The following ACVR2A variants were observed in gnomAD, a reference collection of about 807,000 sequenced individuals.
The protein encoded by ACVR2A is activin receptor type-2A.
ACVR2A carries 7 observed loss-of-function variants against 61.4 expected under a neutral mutation model. The ratio of observed to expected loss-of-function variants is 0.11; its 90% confidence interval spans 0.06 to 0.21. The LOEUF is 0.21. Among genes scored for constraint, ACVR2A ranks in the 10% least tolerant of loss-of-function variants. ACVR2A has a pLI of 1.00. For missense variants in ACVR2A, 322 were observed against 621.7 expected, an observed-to-expected ratio of 0.52 and a Z score of 5.13; for synonymous variants, 193 against 208.3, an observed-to-expected ratio of 0.93 and a Z score of 0.63.
chr2:147,895,344 A>G (rs567008345), intron 1 of ACVR2A, among the ~76,000 whole-genome samples: 9 of 152,128 alleles, frequency 5.9e-5, no homozygotes, highest in Non-Finnish European at 1.3e-4. Flanking sequence ...GCAAATATCT[A>G]CTTACAACAC....
chr2:147,852,061 T>C (rs1173595664), intron 1 of ACVR2A, among the ~76,000 whole-genome samples: 1 of 152,072 alleles, frequency 6.6e-6, no homozygotes, highest in African/African-American at 2.4e-5. Context: ...TTTTGATATC[T>C]TTAAGTTATG....
rs566366891 is a variant in ACVR2A, at chr2:147,845,116, C to T, written c.-37C>T. On this transcript the variant is annotated 5_prime_UTR_variant, in exon 1 of 11. Transcript: ENST00000241416. ...AAGACCCAGGGAACTGGATATCTAG[C>T]GAGAACTTCCTCCGGATTCCCCGGC... The T allele has an allele frequency of 1.6e-5, 26 of 1,578,704 alleles. 1 individual carries two copies. The South Asian group carries it at 2.8e-4, about 17-fold the overall frequency.
chr2:147,859,888 T>C (rs952336670), intron 1 of ACVR2A, among the ~76,000 whole-genome samples: 3 of 152,192 alleles, frequency 2.0e-5, no homozygotes, highest in African/African-American at 7.2e-5. Flanking sequence ...AAGCTCACCT[T>C]ATTTTAGAAT....
chr2:147,859,482 C>T (rs1685670881), intron 1 of ACVR2A, among the ~76,000 whole-genome samples: 1 of 148,678 alleles, frequency 6.7e-6, no homozygotes, highest in Admixed American at 6.7e-5. Flanking sequence ...TAGAGGGTCA[C>T]CACAGACAAA....
intron 7 of ACVR2A, 51 bp from the exon 8 acceptor site, chr2:147,920,179 T>A (rs1687345673): frequency 7.8e-7 from 1 of 1,285,554 alleles, no homozygotes; most frequent in Non-Finnish European, 1.1e-6. Context: ...ATAAAAAATT[T>A]AAAAAGGTAA....
intron 4 of ACVR2A, among the ~76,000 whole-genome samples, chr2:147,910,675 A>G (rs796826174): frequency 3.3e-5 from 5 of 152,198 alleles, no homozygotes; most frequent in African/African-American, 1.2e-4. Flanking sequence ...ACCACTGGTG[A>G]TCATATTTCT....
At chr2:147,915,099 G>A (rs1159633707) in intron 4 of ACVR2A, 92 bp from the exon 5 acceptor site, 2 of 1,214,852 alleles carry the variant, frequency 1.6e-6, no homozygotes, top group Non-Finnish European at 2.4e-6. Flanking sequence ...TCTGTCAGTT[G>A]ACTTTTCAGT....
chr2:147,914,485 A>G (rs1373531952), intron 4 of ACVR2A, among the ~76,000 whole-genome samples: 1 of 152,000 alleles, frequency 6.6e-6, no homozygotes, highest in East Asian at 1.9e-4. Context: ...GTTATCTACT[A>G]TGATGACCAC....
chr2:147,911,517 C>G lies in ACVR2A; in HGVS notation c.529-3674C>G, dbSNP rs1189560789. Among the ~76,000 whole-genome samples, 4 of 151,976 alleles carry G rather than the reference C, an allele frequency of 2.6e-5. No individual in the cohort carries two copies. In the East Asian group the frequency reaches 7.7e-4, roughly 29 times the overall value. ...GGATATGAATCGTAATTTCTTTTGC[C>G]TGTGTTTTTTCTTCACAAGCACGCC... On this transcript the variant is annotated intron_variant, in intron 4 of 10. Coordinates refer to ENST00000241416, the MANE Select transcript of ACVR2A (RefSeq NM_001616.5).
chr2:147,924,455 A>C (rs1301627476), intron 9 of ACVR2A, among the ~76,000 whole-genome samples: 1 of 152,010 alleles, frequency 6.6e-6, no homozygotes, highest in Non-Finnish European at 1.5e-5. Flanking sequence ...TGCAATACTT[A>C]AGAAATACAA....
chr2:147,886,896 T>C (rs1453604986), intron 1 of ACVR2A, among the ~76,000 whole-genome samples: 1 of 152,010 alleles, frequency 6.6e-6, no homozygotes, highest in African/African-American at 2.4e-5. Context: ...TGACACATTC[T>C]AAGCAACTAT....
At chr2:147,892,025 G>A (rs1437108938) in intron 1 of ACVR2A, among the ~76,000 whole-genome samples, 2 of 151,978 alleles carry the variant, frequency 1.3e-5, no homozygotes, top group Non-Finnish European at 2.9e-5. Flanking sequence ...AGGCTGGCGT[G>A]CAGTGGTACG....
At chr2:147,895,337 A>G (rs189056557) in intron 1 of ACVR2A, among the ~76,000 whole-genome samples, 18 of 152,272 alleles carry the variant, frequency 1.2e-4, no homozygotes, top group Admixed American at 5.2e-4. Flanking sequence ...AAGTGTTGCA[A>G]ATATCTACTT....
chr2:147,867,837 T>C (rs1453022633), intron 1 of ACVR2A, among the ~76,000 whole-genome samples: 1 of 152,106 alleles, frequency 6.6e-6, no homozygotes, highest in Admixed American at 6.5e-5. Context: ...ACTCACTGCC[T>C]CCCACTTTAA....
chr2:147,860,414 C>T (rs1315926229), intron 1 of ACVR2A, among the ~76,000 whole-genome samples: 2 of 151,972 alleles, frequency 1.3e-5, no homozygotes, highest in African/African-American at 4.8e-5. Flanking sequence ...GAAGTCTTGG[C>T]TGTGGAAACT....
At chr2:147,854,344 C>T (rs1244716982) in intron 1 of ACVR2A, among the ~76,000 whole-genome samples, 2 of 152,018 alleles carry the variant, frequency 1.3e-5, no homozygotes, top group Non-Finnish European at 2.9e-5. Flanking sequence ...ATCTTTTTTT[C>T]TTGGACAACT....
At chr2:147,917,573 A>T in intron 6 of ACVR2A, 147 bp downstream of exon 6, 1 of 1,028,266 alleles carries the variant, frequency 9.7e-7, no homozygotes, top group Non-Finnish European at 1.4e-6. Context: ...TTGAATAAAA[A>T]TGTTTTAAAA....
At position 147,928,661 on chromosome 2, in the gene ACVR2A, C is replaced by CAACT. The variant is rs765337382; in HGVS notation, c.*1391_*1394dup. The CAACT allele has an allele frequency of 2.6e-5, 4 of 152,230 alleles. No individual in the cohort carries two copies. Among genetic ancestry groups the CAACT allele is most frequent in the African/African-American group, 4.8e-5 (2 of 41,366 alleles). 9.4% of individuals were successfully genotyped at this position (152,230 alleles called of 1,614,324 possible). A position where few individuals can be genotyped will look rare whatever the true frequency, so the allele number is the denominator to read the frequency against. Reference sequence around the variant, plus strand: ...AGCCTCCTCCCCAAAATTGCTTTTACAACTAACACTGATACTAATTTAGGA... The same window carrying CAACT: ...AGCCTCCTCCCCAAAATTGCTTTTACAACTAACTAACACTGATACTAATTTAGGA... On this transcript the variant is annotated 3_prime_UTR_variant, in exon 11 of 11. Transcript: ENST00000241416.
chr2:147,848,483 ATACATGG>A (rs1473613123), intron 1 of ACVR2A, among the ~76,000 whole-genome samples: 1 of 152,154 alleles, frequency 6.6e-6, no homozygotes, highest in East Asian at 1.9e-4. Context: ...TCGTCCTAAA[ATACATGG>A]TACAGCCTTC....
Sources: gnomAD v4.1 joint callset for allele counts (sites outside exome capture counted in the v4.1 genomes callset) on GRCh38, gnomAD v4.1.1 for gene constraint, MANE v1.5 for transcripts, NCBI Gene and HGNC (gene_info 2026-07-23, HGNC 2026-07-21) for gene names.